The following ALG9 variants were observed in gnomAD, a reference collection of about 807,000 sequenced individuals.
ALG9 encodes ALG9 alpha-1,2-mannosyltransferase.
In ALG9, 55 loss-of-function variants were observed where a neutral mutation model predicts 81.8. That is an observed-to-expected ratio of 0.67 (90% CI 0.54 to 0.84). The LOEUF (loss-of-function observed/expected upper bound fraction) is 0.84. ALG9 is among the 40% of genes least tolerant of loss of function. The pLI is 0.00. For synonymous variants in ALG9, 278 were observed against 274.3 expected (o/e 1.01, Z -0.13); for missense variants, 629 against 745.0 (o/e 0.84, Z 1.81).
At position 111,819,739 on chromosome 11, in the gene ALG9, G is replaced by A. The variant is rs17507333; in HGVS notation, c.1603-9966C>T. ...CACATCTCCTCAAATCCCTCTGTGA[G>A]CAACTGCAGCAAGGCCCAAGCCTTC... On this transcript the variant is annotated intron_variant, in intron 13 of 14. Transcript: ENST00000616540. Among the ~76,000 whole-genome samples the A allele has an allele frequency of 9.6e-3, 1,457 of 152,348 alleles. 15 individuals are homozygous for A. The highest frequency in any genetic ancestry group is 0.017 in the Non-Finnish European group (1,141 of 68,022).
intron 13 of ALG9, among the ~76,000 whole-genome samples, chr11:111,823,497 CT>C (rs1379308329): frequency 1.3e-5 from 2 of 152,140 alleles, no homozygotes; most frequent in Non-Finnish European, 2.9e-5. Context: ...ACATTTGTGA[CT>C]GAACGTGTCA....
At position 111,853,409 on chromosome 11, in the gene ALG9, A is replaced by G; in HGVS notation, c.866T>C (p.Val289Ala). Residue 289 changes from valine to alanine, a missense_variant, in exon 8 of 15, where the codon GTC becomes GCC. By Grantham distance (64) the Val-to-Ala change is moderately conservative. Coordinates refer to ENST00000616540, the MANE Select transcript of ALG9 (RefSeq NM_024740.2). ...AAGATCAGGTCCATGAGGAGTAAAG[A>G]CATTATACAAAACAATGTTGAGTGG... The part of the protein sequence containing the change: ...IAPLNIVLYN[V>A]FTPHGPDLYG... The G allele has an allele frequency of 6.2e-7, 1 of 1,614,040 alleles. No individual in the cohort carries two copies. Among genetic ancestry groups the G allele is most frequent in the Non-Finnish European group, 8.5e-7 (1 of 1,179,900 alleles).
In ALG9 at chr11:111,836,346, A is replaced by C. The variant is rs143975084; in HGVS notation, c.1473-52T>G. 4 of 1,606,620 alleles carry C rather than the reference A, an allele frequency of 2.5e-6. No homozygotes were observed. The East Asian group carries it at 6.7e-5, about 27-fold the overall frequency. ...AAAACACAGGGGGATAATATTGCTA[A>C]ATGTACTTGAAACAAACAAGCCAGG... On this transcript the variant is annotated intron_variant, in intron 12 of 14. Transcript: ENST00000616540.
intron 13 of ALG9, among the ~76,000 whole-genome samples, chr11:111,835,694 A>G (rs189970718): frequency 2.9e-4 from 44 of 152,362 alleles, no homozygotes; most frequent in Admixed American, 4.6e-4. Context: ...ATTTGAAAAT[A>G]AAAGTGATAC....
At chr11:111,850,013 T>C (rs1957515032) in intron 8 of ALG9, among the ~76,000 whole-genome samples, 1 of 152,152 alleles carries the variant, frequency 6.6e-6, no homozygotes, top group African/African-American at 2.4e-5. Flanking sequence ...AGACATGCTA[T>C]CTCGCTGTCT....
At chr11:111,868,293 T>A (rs1268857181) in intron 3 of ALG9, among the ~76,000 whole-genome samples, 1 of 152,192 alleles carries the variant, frequency 6.6e-6, no homozygotes, top group South Asian at 2.1e-4. Flanking sequence ...TATTCCACCG[T>A]ACATTGTACT....
intron 1 of ALG9, chr11:111,870,907 CAT>C (rs1555158003): frequency 1.0e-6 from 1 of 998,762 alleles, no homozygotes; most frequent in Admixed American, 6.1e-5. Context: ...ACTCCAATTC[CAT>C]ATGTTGACAG....
intron 14 of ALG9, chr11:111,805,077 G>A (rs1351787317): frequency 3.1e-6 from 1 of 318,528 alleles, no homozygotes; most frequent in East Asian, 8.6e-5. Context: ...TTCATATGTT[G>A]AAGTCTAAAC....
intron 13 of ALG9, among the ~76,000 whole-genome samples, chr11:111,833,033 T>TA (rs1565941546): frequency 6.6e-6 from 1 of 152,022 alleles, no homozygotes; most frequent in South Asian, 2.1e-4. Context: ...TCCAGTCTCT[T>TA]AAAAAAGAAA....
At chr11:111,864,865 C>T (rs947441013) in intron 4 of ALG9, among the ~76,000 whole-genome samples, 4 of 152,072 alleles carry the variant, frequency 2.6e-5, no homozygotes, top group African/African-American at 9.7e-5. Context: ...ACAACCTCCA[C>T]CTCCCAAGTT....
In ALG9 at chr11:111,853,489, A is replaced by G. The variant is rs534732271; in HGVS notation, c.790-4T>C. The G allele has an allele frequency of 1.9e-4, 300 of 1,611,816 alleles. No individual in the cohort carries two copies. The highest frequency in any genetic ancestry group is 2.4e-4 in the Non-Finnish European group (287 of 1,178,034). ...TGTCAATGACCACCACAGGCACCTAAAACAGAGCAGAAAATAGTTTTGATC... is the reference window on the plus strand; with the variant it reads ...TGTCAATGACCACCACAGGCACCTAGAACAGAGCAGAAAATAGTTTTGATC... On this transcript the variant is annotated splice_region_variant and splice_polypyrimidine_tract_variant and intron_variant, in intron 7 of 14. Transcript: ENST00000616540.
chr11:111,824,164 G>A (rs141657748), intron 13 of ALG9, among the ~76,000 whole-genome samples: 3,448 of 152,158 alleles, frequency 0.023, 59 homozygotes, highest in Middle Eastern at 0.075. Flanking sequence ...TCATAAATCG[G>A]ACTTTTAAAA....
At chr11:111,809,573 T>C in intron 14 of ALG9, 70 bp downstream of exon 14, 2 of 1,586,828 alleles carry the variant, frequency 1.3e-6, no homozygotes. Flanking sequence ...GACTGGAAGT[T>C]ATATAATCCT....
At chr11:111,822,186 T>G (rs1436287604) in intron 13 of ALG9, among the ~76,000 whole-genome samples, 1 of 151,572 alleles carries the variant, frequency 6.6e-6, no homozygotes, top group Non-Finnish European at 1.5e-5. Flanking sequence ...GTGGGCAGAT[T>G]GCTTGAGCCC....
intron 13 of ALG9, among the ~76,000 whole-genome samples, chr11:111,829,816 G>A (rs1300243825): frequency 6.6e-6 from 1 of 152,130 alleles, no homozygotes; most frequent in African/African-American, 2.4e-5. Context: ...TCACACTCTT[G>A]GAGCGGGACA....
chr11:111,840,598 G>A, intron 10 of ALG9, 57 bp downstream of exon 10: 2 of 1,600,934 alleles, frequency 1.2e-6, no homozygotes, highest in East Asian at 4.5e-5. Flanking sequence ...AAGTTTGTGA[G>A]CAATTATTTA....
At chr11:111,830,524 T>C (rs1026518232) in intron 13 of ALG9, among the ~76,000 whole-genome samples, 1 of 152,212 alleles carries the variant, frequency 6.6e-6, no homozygotes. Flanking sequence ...ACATAATGAA[T>C]ACTAAAAAAA....
intron 13 of ALG9, among the ~76,000 whole-genome samples, chr11:111,821,304 A>C (rs1952326199): frequency 6.6e-6 from 1 of 152,060 alleles, no homozygotes; most frequent in Non-Finnish European, 1.5e-5. Context: ...ACTGTTTGAC[A>C]GGTGTACTGC....
chr11:111,847,823 C>A (rs1465695432), intron 8 of ALG9, among the ~76,000 whole-genome samples: 1 of 152,144 alleles, frequency 6.6e-6, no homozygotes, highest in East Asian at 1.9e-4. Flanking sequence ...CCAGTGTGCA[C>A]GTCACTCTGC....
Sources: allele counts gnomAD v4.1 joint callset (sites outside exome capture counted in the v4.1 genomes callset), GRCh38; gene constraint gnomAD v4.1.1; transcripts MANE v1.5; gene names NCBI Gene and HGNC (gene_info 2026-07-23, HGNC 2026-07-21).